Variants in ZCWPW2 observed in about 807,000 individuals in gnomAD.
The protein encoded by ZCWPW2 is zinc finger CW-type PWWP domain protein 2.
A neutral mutation model predicts 46.6 loss-of-function variants in ZCWPW2; 45 were observed. The observed-to-expected ratio is 0.96, with a 90% CI of 0.76 to 1.24. The LOEUF (loss-of-function observed/expected upper bound fraction) is 1.24, where lower values mean the gene tolerates loss of function less well. Among genes scored for constraint, ZCWPW2 ranks in the 50% most tolerant of loss-of-function variants. The pLI is 0.00. For missense variants in ZCWPW2, 429 were observed against 403.9 expected (o/e 1.06, Z -0.53); for synonymous variants, 152 against 137.1 (o/e 1.11, Z -0.76).
intron 4 of ZCWPW2, among the ~76,000 whole-genome samples, chr3:28,472,002 A>T (rs1276732396): frequency 6.6e-6 from 1 of 152,178 alleles, no homozygotes; most frequent in Admixed American, 6.5e-5. Flanking sequence ...TAAAATACCT[A>T]GGAATTATCT....
intron 1 of ZCWPW2, among the ~76,000 whole-genome samples, chr3:28,386,394 T>G (rs908354610): frequency 6.6e-6 from 1 of 152,074 alleles, no homozygotes; most frequent in African/African-American, 2.4e-5. Context: ...TCTAAGAAAA[T>G]TAATAAGTTG....
At chr3:28,447,175 G>T (rs1351945874) in intron 4 of ZCWPW2, among the ~76,000 whole-genome samples, 1 of 151,914 alleles carries the variant, frequency 6.6e-6, no homozygotes, top group African/African-American at 2.4e-5. Context: ...GCATTACTCT[G>T]GTACAAAAGA....
chr3:28,450,010 G>C (rs1698162216), intron 4 of ZCWPW2, among the ~76,000 whole-genome samples: 2 of 152,148 alleles, frequency 1.3e-5, no homozygotes, highest in Admixed American at 6.5e-5. Context: ...AAAACAGTAA[G>C]AAAAACACAG....
At chr3:28,375,716 A>G (rs976010928) in intron 1 of ZCWPW2, among the ~76,000 whole-genome samples, 1 of 149,456 alleles carries the variant, frequency 6.7e-6, no homozygotes, top group African/African-American at 2.5e-5. Context: ...GCTGTCAAAT[A>G]GTAGGTCTTA....
intron 1 of ZCWPW2, among the ~76,000 whole-genome samples, chr3:28,368,894 T>A (rs1401022412): frequency 6.6e-6 from 1 of 152,230 alleles, no homozygotes; most frequent in Non-Finnish European, 1.5e-5. Flanking sequence ...CTCTTCTCGC[T>A]TCCTTTCATT....
At chr3:28,379,782 A>G (rs1242421440) in intron 1 of ZCWPW2, among the ~76,000 whole-genome samples, 1 of 152,124 alleles carries the variant, frequency 6.6e-6, no homozygotes, top group Non-Finnish European at 1.5e-5. Flanking sequence ...AACCTTTTCC[A>G]TAGCAAAACT....
At chr3:28,356,228 G>T (rs532480353) in intron 1 of ZCWPW2, among the ~76,000 whole-genome samples, 2 of 152,238 alleles carry the variant, frequency 1.3e-5, no homozygotes, top group African/African-American at 4.8e-5. Context: ...AGACGTTTAT[G>T]CAGCCAAAGG....
At chr3:28,487,340 T>C (rs533616687) in intron 5 of ZCWPW2, among the ~76,000 whole-genome samples, 11 of 152,170 alleles carry the variant, frequency 7.2e-5, no homozygotes, top group Non-Finnish European at 1.0e-4. Flanking sequence ...GTGGTTTTTA[T>C]TGATATATCC....
At chr3:28,357,224 G>C (rs1031302768) in intron 1 of ZCWPW2, among the ~76,000 whole-genome samples, 3 of 152,078 alleles carry the variant, frequency 2.0e-5, no homozygotes, top group Admixed American at 6.5e-5. Context: ...ATAATGAAAG[G>C]ATGACATTAA....
chr3:28,459,762 A>C (rs1698557567), intron 4 of ZCWPW2, among the ~76,000 whole-genome samples: 1 of 152,152 alleles, frequency 6.6e-6, no homozygotes, highest in African/African-American at 2.4e-5. Context: ...TGACTGGCAT[A>C]TTGGTGATAT....
chr3:28,469,963 G>A (rs1698977004), intron 4 of ZCWPW2, among the ~76,000 whole-genome samples: 1 of 152,102 alleles, frequency 6.6e-6, no homozygotes, highest in South Asian at 2.1e-4. Context: ...TCATCCTATG[G>A]CTGCAGAATG....
At chr3:28,456,271 T>A (rs1029437582) in intron 4 of ZCWPW2, among the ~76,000 whole-genome samples, 5 of 152,174 alleles carry the variant, frequency 3.3e-5, no homozygotes, top group African/African-American at 1.2e-4. Context: ...CATTTGCGAT[T>A]TTGCTCTTGG....
intron 3 of ZCWPW2, among the ~76,000 whole-genome samples, chr3:28,423,360 ATCTT>A: frequency 7.6e-6 from 1 of 131,354 alleles, no homozygotes; most frequent in South Asian, 2.4e-4. Context: ...CCTGTGAGCT[ATCTT>A]TTTTTTTTTT....
At chr3:28,430,192 G>T (rs1469701852) in intron 3 of ZCWPW2, among the ~76,000 whole-genome samples, 1 of 152,206 alleles carries the variant, frequency 6.6e-6, no homozygotes, top group Non-Finnish European at 1.5e-5. Flanking sequence ...ACTGTACCTT[G>T]CACAGCCACA....
chr3:28,413,458 T>C, intron 3 of ZCWPW2, 58 bp downstream of exon 3: 1 of 1,378,952 alleles, frequency 7.3e-7, no homozygotes, highest in Admixed American at 2.4e-5. Context: ...TTTATGAATA[T>C]TAAAAATCTT....
intron 1 of ZCWPW2, among the ~76,000 whole-genome samples, chr3:28,386,681 T>A (rs1168801998): frequency 6.6e-6 from 1 of 152,200 alleles, no homozygotes; most frequent in Non-Finnish European, 1.5e-5. Flanking sequence ...ATAAATAGCC[T>A]TTTATATTTC....
intron 8 of ZCWPW2, among the ~76,000 whole-genome samples, chr3:28,518,792 CAT>C (rs1700646984): frequency 6.6e-6 from 1 of 152,060 alleles, no homozygotes; most frequent in South Asian, 2.1e-4. Context: ...TGTCAATTTC[CAT>C]AGACTCAGAA....
At chr3:28,423,488 T>G (rs370777802) in intron 3 of ZCWPW2, among the ~76,000 whole-genome samples, 1 of 150,330 alleles carries the variant, frequency 6.7e-6, no homozygotes, top group Non-Finnish European at 1.5e-5. Flanking sequence ...TGTCTCAGCC[T>G]CCCGAGTAGC....
At chr3:28,488,565 G>T (rs372451330) in intron 5 of ZCWPW2, among the ~76,000 whole-genome samples, 2 of 152,072 alleles carry the variant, frequency 1.3e-5, no homozygotes, top group African/African-American at 4.8e-5. Flanking sequence ...ATAAATCATT[G>T]AATTATGTTA....
Sources: gnomAD v4.1 joint callset for allele counts (sites outside exome capture counted in the v4.1 genomes callset) on GRCh38, gnomAD v4.1.1 for gene constraint, MANE v1.5 for transcripts, NCBI Gene and HGNC (gene_info 2026-07-23, HGNC 2026-07-21) for gene names.